Variants in DAB1 observed in about 807,000 individuals in gnomAD.
DAB1 encodes disabled homolog 1.
In DAB1, 15 loss-of-function variants were observed where a neutral mutation model predicts 64.6. The ratio of observed to expected loss-of-function variants is 0.23; its 90% CI spans 0.16 to 0.36. The LOEUF (loss-of-function observed/expected upper bound fraction) is 0.36. DAB1 is among the 10% of genes least tolerant of loss of function. DAB1 has a pLI of 1.00. For missense variants in DAB1, 596 were observed against 706.7 expected, an observed-to-expected ratio of 0.84 and a Z score of 1.78; for synonymous variants, 235 against 251.9, an observed-to-expected ratio of 0.93 and a Z score of 0.64.
intron 5 of DAB1, among the ~76,000 whole-genome samples, chr1:58,044,931 G>A (rs1478316688): frequency 2.6e-5 from 4 of 152,144 alleles, no homozygotes; most frequent in African/African-American, 9.7e-5. Flanking sequence ...ACGATTCATA[G>A]AAATGAAGTA....
At chr1:57,925,540 A>C (rs1353571323) in intron 5 of DAB1, among the ~76,000 whole-genome samples, 1 of 152,192 alleles carries the variant, frequency 6.6e-6, no homozygotes, top group Non-Finnish European at 1.5e-5. Context: ...GGGCCACTGA[A>C]AACAGAGCAC....
chr1:58,097,439 G>A (rs1235170342), intron 5 of DAB1, among the ~76,000 whole-genome samples: 1 of 152,204 alleles, frequency 6.6e-6, no homozygotes, highest in Non-Finnish European at 1.5e-5. Flanking sequence ...TTTTAATGAT[G>A]TGAAAGAGAA....
intron 7 of DAB1, among the ~76,000 whole-genome samples, chr1:57,590,551 T>C (rs1446818385): frequency 6.6e-6 from 1 of 152,062 alleles, no homozygotes; most frequent in African/African-American, 2.4e-5. Context: ...CAGGATGGTT[T>C]CAATCTCTTA....
chr1:57,812,912 C>T (rs1651695075), intron 6 of DAB1, among the ~76,000 whole-genome samples: 1 of 152,186 alleles, frequency 6.6e-6, no homozygotes, highest in African/African-American at 2.4e-5. Flanking sequence ...CTTAGTGAGT[C>T]TAGACAGATT....
chr1:57,484,167 C>A (rs1644060722), intron 7 of DAB1, among the ~76,000 whole-genome samples: 1 of 152,082 alleles, frequency 6.6e-6, no homozygotes, highest in African/African-American at 2.4e-5. Context: ...GCATCAAGTG[C>A]TGAGTCACCA....
rs1053314105 is a variant in DAB1 at position 57,516,157 on chromosome 1, G to A, written n.625+133435C>T. ...GCACATAGAAGAGACTGTGTTTTAA[G>A]TGAAGGTGAGAGGTGAAACTTCAGA... On this transcript the variant is annotated intron_variant and non_coding_transcript_variant, in intron 7 of 20. Coordinates refer to the DAB1 transcript ENST00000485760. 1.7e-4 allele frequency among the ~76,000 whole-genome samples: 26 copies of A among 152,342 alleles called. 1 individual carries two copies. The highest frequency in any genetic ancestry group is 6.0e-4 in the African/African-American group (25 of 41,582).
intron 7 of DAB1, among the ~76,000 whole-genome samples, chr1:57,645,889 C>A (rs1014956734): frequency 1.3e-5 from 2 of 152,066 alleles, no homozygotes; most frequent in Non-Finnish European, 2.9e-5. Context: ...ACACTTGGGG[C>A]CTGGATATCT....
At chr1:58,168,024 C>T (rs886826934) in intron 4 of DAB1, among the ~76,000 whole-genome samples, 1 of 152,238 alleles carries the variant, frequency 6.6e-6, no homozygotes. Context: ...GGACTATCGA[C>T]TATCGCCAAG....
chr1:58,057,788 T>C (rs770481981), intron 5 of DAB1, among the ~76,000 whole-genome samples: 5 of 152,168 alleles, frequency 3.3e-5, no homozygotes, highest in Admixed American at 6.5e-5. Context: ...GGAATACATA[T>C]ACCCACCAAC....
rs145083727 is a variant in DAB1, at chr1:58,323,416, G to C, written n.309+19936C>G. Reference sequence around the variant, plus strand: ...AAGTCTGTTCTCTTTTTAGTATTCTGAGTCTTATCTTCGTATCTAGGCAGA... The same window carrying C: ...AAGTCTGTTCTCTTTTTAGTATTCTCAGTCTTATCTTCGTATCTAGGCAGA... On this transcript the variant is annotated intron_variant and non_coding_transcript_variant, in intron 4 of 20. Transcript: ENST00000485760. Among the ~76,000 whole-genome samples, 417 of 151,984 alleles carry C rather than the reference G, an allele frequency of 2.7e-3. 5 individuals are homozygous for C. Among genetic ancestry groups the C allele is most frequent in the African/African-American group, 9.0e-3 (374 of 41,428 alleles).
At chr1:57,614,868 CT>C (rs34907824) in intron 7 of DAB1, among the ~76,000 whole-genome samples, 26 of 38,756 alleles carry the variant, frequency 6.7e-4, no homozygotes, top group South Asian at 2.7e-3. Flanking sequence ...TTCTTTCTTT[CT>C]TTTTTTTTTT....
At chr1:57,474,388 C>A (rs182062268) in intron 7 of DAB1, among the ~76,000 whole-genome samples, 278 of 152,216 alleles carry the variant, frequency 1.8e-3, no homozygotes, top group South Asian at 2.3e-3. Flanking sequence ...ATTCTCTTGC[C>A]CACCCCATTT....
intron 2 of DAB1, among the ~76,000 whole-genome samples, chr1:57,258,176 T>C (rs1442047519): frequency 6.6e-6 from 1 of 152,206 alleles, no homozygotes; most frequent in East Asian, 1.9e-4. Context: ...TTGTTTGTAT[T>C]TCTCACATCC....
At chr1:58,134,564 G>T (rs1039143688) in intron 5 of DAB1, among the ~76,000 whole-genome samples, 3 of 152,152 alleles carry the variant, frequency 2.0e-5, no homozygotes, top group African/African-American at 7.2e-5. Flanking sequence ...GGCTGTACAG[G>T]CGTCTTCTTC....
At chr1:57,658,157 C>G (rs1646339947) in intron 6 of DAB1, among the ~76,000 whole-genome samples, 1 of 152,174 alleles carries the variant, frequency 6.6e-6, no homozygotes, top group Admixed American at 6.5e-5. Context: ...GTACACCAAA[C>G]ACAACTTTGG....
At position 58,120,911 on chromosome 1, in the gene DAB1, A is replaced by T. The variant is rs144795475; in HGVS notation, n.387+29600T>A. Among the ~76,000 whole-genome samples the T allele has an allele frequency of 5.3e-5, 8 of 152,304 alleles. No homozygotes were observed. In the East Asian group the frequency reaches 1.5e-3, roughly 29 times the overall value. The stretch of plus-strand genomic sequence containing the variant: ...AATGATAGGATATAATTCCAATTTC[A>T]CAACTTAATTATGACCGGATGAAAA... On this transcript the variant is annotated intron_variant and non_coding_transcript_variant, in intron 5 of 20. Coordinates refer to the DAB1 transcript ENST00000485760.
In DAB1 at chr1:58,343,773, GGGT is replaced by G. The variant is rs572306478; in HGVS notation, n.258-373_258-371del. 3.5e-3 allele frequency among the ~76,000 whole-genome samples: 535 copies of G among 152,294 alleles called. 2 individuals carry two copies. Among genetic ancestry groups the G allele is most frequent in the African/African-American group, 0.011 (466 of 41,562 alleles). ...AGGAGCTGAAATTATGTGCTTTCTA[GGGT>G]GGTTGTTTGAGTATAATAAGATAAT... On this transcript the variant is annotated intron_variant and non_coding_transcript_variant, in intron 3 of 20. Coordinates refer to the DAB1 transcript ENST00000485760.
At chr1:57,421,313 A>AGTAATTTTTATTC (rs1684864760) in intron 1 of DAB1, among the ~76,000 whole-genome samples, 1 of 152,248 alleles carries the variant, frequency 6.6e-6, no homozygotes, top group South Asian at 2.1e-4. Context: ...ATCAACAATA[A>AGTAATTTTTATTC]GTAATTTTTA....
In DAB1 at chr1:57,155,487, GTTTT is replaced by G. The variant is rs548763143; in HGVS notation, c.68-10062_68-10059del. Among the ~76,000 whole-genome samples the G allele has an allele frequency of 2.9e-3, 423 of 147,836 alleles. 2 individuals are homozygous for G. The highest frequency in any genetic ancestry group is 9.8e-3 in the African/African-American group (397 of 40,552). On this transcript the variant is annotated intron_variant, in intron 2 of 14. Coordinates refer to ENST00000371236, the MANE Select transcript of DAB1 (RefSeq NM_001365792.1). ...TTCTTCCAGTTTTGTTTTTGTTTTT[GTTTT>G]TTTTTCTGCTTAGGATGGCTTTAGA...
Sources: gnomAD v4.1 joint callset for allele counts (sites outside exome capture counted in the v4.1 genomes callset) on GRCh38, gnomAD v4.1.1 for gene constraint, MANE v1.5 for transcripts, NCBI Gene and HGNC (gene_info 2026-07-23, HGNC 2026-07-21) for gene names.